KLHL32: variants seen among roughly 807,000 people sequenced by gnomAD.
The protein encoded by KLHL32 is kelch-like protein 32.
In KLHL32, 35 loss-of-function variants were observed where a neutral mutation model predicts 64.8. That is an observed-to-expected ratio of 0.54 (90% CI 0.41 to 0.72). The LOEUF is 0.72. Ranked by LOEUF, KLHL32 falls within the 30% of genes least tolerant of loss-of-function variation. KLHL32 has a pLI of 0.00. For synonymous variants in KLHL32, 259 were observed against 281.0 expected (o/e 0.92, Z 0.78); for missense variants, 589 against 768.5 (o/e 0.77, Z 2.76).
intron 3 of KLHL32, among the ~76,000 whole-genome samples, chr6:96,984,575 A>G (rs1287259387): frequency 6.6e-6 from 1 of 152,166 alleles, no homozygotes; most frequent in Non-Finnish European, 1.5e-5. Context: ...TTGGGTGCAT[A>G]TATATTTAGG....
At chr6:97,134,815 G>A (rs1312899833) in intron 10 of KLHL32, among the ~76,000 whole-genome samples, 1 of 152,076 alleles carries the variant, frequency 6.6e-6, no homozygotes, top group African/African-American at 2.4e-5. Flanking sequence ...CTCATATTTT[G>A]TTAACAGTCG....
Position 97,056,250 on chromosome 6 carries a change from C to T in KLHL32, c.313-8378C>T, listed in dbSNP as rs190186385. ...CCTCCCTAGTAGCTGGGACTACAGG[C>T]GCCCGCCACCACGCCCGGCTAATTT... On this transcript the variant is annotated intron_variant, in intron 4 of 10. Coordinates refer to ENST00000369261, the MANE Select transcript of KLHL32 (RefSeq NM_052904.4). 2.1e-4 allele frequency among the ~76,000 whole-genome samples: 32 copies of T among 151,814 alleles called. 1 individual carries two copies. Among genetic ancestry groups the T allele is most frequent in the Middle Eastern group, 3.4e-3 (1 of 294 alleles).
intron 3 of KLHL32, among the ~76,000 whole-genome samples, chr6:97,001,865 A>C (rs996895935): frequency 5.3e-5 from 8 of 152,204 alleles, no homozygotes; most frequent in Non-Finnish European, 1.2e-4. Context: ...GTTGCCGTTC[A>C]TCTAGACGTA....
chr6:97,018,453 C>T (rs141075853), intron 3 of KLHL32, among the ~76,000 whole-genome samples: 5 of 150,112 alleles, frequency 3.3e-5, no homozygotes, highest in African/African-American at 4.9e-5. Context: ...ATTATCTGGG[C>T]GTGTTGGCGC....
chr6:97,075,657 C>T lies in KLHL32; in HGVS notation c.412-9469C>T, dbSNP rs550547275. ...CAAAGGCCAGACCTTACCGCACATCCACACCAGCCCCCTTTATGTTGCTTT... is the reference window on the plus strand; with the variant it reads ...CAAAGGCCAGACCTTACCGCACATCTACACCAGCCCCCTTTATGTTGCTTT... On this transcript the variant is annotated intron_variant, in intron 5 of 10. Transcript: ENST00000369261. 2.6e-5 allele frequency among the ~76,000 whole-genome samples: 4 copies of T among 152,236 alleles called. No homozygotes were observed. The South Asian group carries it at 8.3e-4, about 32-fold the overall frequency.
chr6:96,970,038 A>T (rs1218538333), intron 2 of KLHL32, among the ~76,000 whole-genome samples: 1 of 151,954 alleles, frequency 6.6e-6, no homozygotes, highest in Non-Finnish European at 1.5e-5. Flanking sequence ...CCTCCCACTC[A>T]CCTCCATATG....
At chr6:97,017,726 C>T (rs1287944334) in intron 3 of KLHL32, among the ~76,000 whole-genome samples, 1 of 152,110 alleles carries the variant, frequency 6.6e-6, no homozygotes, top group Non-Finnish European at 1.5e-5. Context: ...TTTCCAGTCC[C>T]ACTTGTATCT....
chr6:97,010,041 G>A (rs2128090375), intron 3 of KLHL32, among the ~76,000 whole-genome samples: 1 of 129,700 alleles, frequency 7.7e-6, no homozygotes, highest in Non-Finnish European at 1.6e-5. Flanking sequence ...GAGGAAGGCA[G>A]AATAAACAAA....
intron 1 of KLHL32, among the ~76,000 whole-genome samples, chr6:96,931,363 T>A (rs1019992831): frequency 1.8e-4 from 27 of 152,284 alleles, no homozygotes; most frequent in Non-Finnish European, 3.5e-4. Flanking sequence ...CCCCGGCTCA[T>A]GGGCTTAAGA....
At chr6:97,014,756 A>G (rs1458094652) in intron 3 of KLHL32, among the ~76,000 whole-genome samples, 1 of 152,240 alleles carries the variant, frequency 6.6e-6, no homozygotes, top group Non-Finnish European at 1.5e-5. Context: ...GATGCAGCCA[A>G]GTCTCAAATC....
chr6:97,066,710 A>G (rs1789810302), intron 5 of KLHL32, among the ~76,000 whole-genome samples: 1 of 152,188 alleles, frequency 6.6e-6, no homozygotes, highest in Non-Finnish European at 1.5e-5. Flanking sequence ...TAAAAAATAT[A>G]TATACCCTGC....
At chr6:97,062,758 T>C (rs1007724181) in intron 4 of KLHL32, among the ~76,000 whole-genome samples, 5 of 152,210 alleles carry the variant, frequency 3.3e-5, no homozygotes, top group African/African-American at 9.7e-5. Context: ...CTGAAACTTA[T>C]ACTGAGCAGA....
At chr6:96,970,281 G>A (rs1290972447) in intron 2 of KLHL32, among the ~76,000 whole-genome samples, 1 of 151,986 alleles carries the variant, frequency 6.6e-6, no homozygotes, top group African/African-American at 2.4e-5. Flanking sequence ...GGATAACCTG[G>A]CCCAGAATTC....
chr6:97,031,159 T>C (rs1024902294), intron 3 of KLHL32, among the ~76,000 whole-genome samples: 2 of 152,152 alleles, frequency 1.3e-5, no homozygotes, highest in Non-Finnish European at 2.9e-5. Flanking sequence ...CAACTGGTGT[T>C]TCACTGTACC....
In KLHL32 at chr6:97,064,672, C is replaced by T; in HGVS notation, c.357C>T (p.Gly119=). 1 of 1,614,158 alleles carries T rather than the reference C, an allele frequency of 6.2e-7. No homozygotes were observed. The highest frequency in any genetic ancestry group is 8.5e-7 in the Non-Finnish European group (1 of 1,180,006). ...TGATCCAGGATGTGCTAGCAGCGGGCAGTCACCTACAGCTGTTGGAGCTTC... is the reference window on the plus strand; with the variant it reads ...TGATCCAGGATGTGCTAGCAGCGGGTAGTCACCTACAGCTGTTGGAGCTTC... ...PGVIQDVLAA[G]SHLQLLELLN... The change falls in exon 5 of 11, where the codon GGC becomes GGT. Residue 119 remains glycine, a synonymous_variant. Transcript: ENST00000369261.
intron 1 of KLHL32, among the ~76,000 whole-genome samples, chr6:96,952,010 G>A (rs985581216): frequency 6.6e-6 from 1 of 152,078 alleles, no homozygotes; most frequent in African/African-American, 2.4e-5. Flanking sequence ...TTTTTTCCAG[G>A]TACTTTGGAT....
At chr6:97,112,834 A>G (rs1797338915) in intron 6 of KLHL32, among the ~76,000 whole-genome samples, 1 of 149,572 alleles carries the variant, frequency 6.7e-6, no homozygotes, top group African/African-American at 2.4e-5. Flanking sequence ...ATGAAACAAT[A>G]TTCTTTATTA....
At chr6:96,902,100 C>T in the KLHL32 span, among the ~76,000 whole-genome samples, 2 of 152,154 alleles carry the variant, frequency 1.3e-5, no homozygotes, top group Admixed American at 6.5e-5. Context: ...TGAGTATATA[C>T]CCAGTAATGG....
chr6:96,900,151 T>A, the KLHL32 span, among the ~76,000 whole-genome samples: 1 of 152,134 alleles, frequency 6.6e-6, no homozygotes, highest in Admixed American at 6.5e-5. Context: ...CAGAAGTGAG[T>A]CCTTATGCAA....
Sources: gnomAD v4.1 joint callset for allele counts (sites outside exome capture counted in the v4.1 genomes callset) on GRCh38, gnomAD v4.1.1 for gene constraint, MANE v1.5 for transcripts, NCBI Gene and HGNC (gene_info 2026-07-23, HGNC 2026-07-21) for gene names.